Variants in DUSP16 observed in about 807,000 individuals in gnomAD.
DUSP16 encodes the protein dual specificity phosphatase 16.
DUSP16 carries 21 observed loss-of-function variants against 58.3 expected under a neutral mutation model. That is an observed-to-expected ratio of 0.36 (90% CI 0.26 to 0.52). The LOEUF (loss-of-function observed/expected upper bound fraction) is 0.52. DUSP16 is among the 20% of genes least tolerant of loss of function. DUSP16 has a pLI of 0.94. For synonymous variants in DUSP16, 320 were observed against 323.8 expected (o/e 0.99, Z 0.12); for missense variants, 726 against 819.0 (o/e 0.89, Z 1.39).
intron 3 of DUSP16, among the ~76,000 whole-genome samples, chr12:12,506,514 C>T (rs942558741): frequency 1.3e-5 from 2 of 152,186 alleles, no homozygotes; most frequent in Non-Finnish European, 2.9e-5. Flanking sequence ...GAAGACTTGG[C>T]TCACTGTCCA....
chr12:12,557,455 CAAA>C (rs556746921), intron 1 of DUSP16, among the ~76,000 whole-genome samples: 4 of 57,408 alleles, frequency 7.0e-5, no homozygotes, highest in African/African-American at 6.4e-5. Context: ...GACTCCGTCT[CAAA>C]AAAAAAAAAA....
chr12:12,552,332 G>A (rs1944740858), intron 1 of DUSP16, among the ~76,000 whole-genome samples: 1 of 152,028 alleles, frequency 6.6e-6, no homozygotes, highest in African/African-American at 2.4e-5. Flanking sequence ...TGTAATCCCA[G>A]TTACTTGAGA....
intron 6 of DUSP16, among the ~76,000 whole-genome samples, chr12:12,478,264 T>C (rs557716616): frequency 7.2e-5 from 11 of 151,936 alleles, no homozygotes; most frequent in Admixed American, 2.6e-4. Flanking sequence ...AGTTTTTGTC[T>C]CCTTATTTTC....
In DUSP16 at chr12:12,505,567, C is replaced by T. The variant is rs150140521; in HGVS notation, c.368-4885G>A. ...AGACCTTGGCTGTCAGGTCACCCCCCACAGAACAACTTTCAGAGGAGATGC... is the reference window on the plus strand; with the variant it reads ...AGACCTTGGCTGTCAGGTCACCCCCTACAGAACAACTTTCAGAGGAGATGC... On this transcript the variant is annotated intron_variant, in intron 3 of 6. Transcript: ENST00000298573. Among the ~76,000 whole-genome samples the T allele has an allele frequency of 8.0e-3, 1,213 of 152,304 alleles. 19 individuals carry two copies. The highest frequency in any genetic ancestry group is 0.027 in the African/African-American group (1,141 of 41,564).
At chr12:12,524,846 T>C (rs1031213953) in intron 1 of DUSP16, among the ~76,000 whole-genome samples, 1 of 152,230 alleles carries the variant, frequency 6.6e-6, no homozygotes, top group Non-Finnish European at 1.5e-5. Context: ...TATGAACGTG[T>C]ACAGTTTATT....
In DUSP16 at chr12:12,518,416, G is replaced by A. The variant is rs181757286; in HGVS notation, c.367+1446C>T. On this transcript the variant is annotated intron_variant, in intron 3 of 6. Transcript: ENST00000298573. Reference sequence around the variant, plus strand: ...GAATCCCAGCTACTTGGGAGGCTGAGGCAGGAGAATCGCTTGAACCTGGGA... The same window carrying A: ...GAATCCCAGCTACTTGGGAGGCTGAAGCAGGAGAATCGCTTGAACCTGGGA... 2.5e-3 allele frequency among the ~76,000 whole-genome samples: 380 copies of A among 152,156 alleles called. 1 individual carries two copies. Among genetic ancestry groups the A allele is most frequent in the African/African-American group, 8.7e-3 (362 of 41,498 alleles).
Position 12,558,246 on chromosome 12 carries a change from C to T in DUSP16, c.-366+3871G>A, listed in dbSNP as rs1944839764. On this transcript the variant is annotated intron_variant, in intron 1 of 6. Transcript: ENST00000298573. ...TAATAATTTCAGTTTATAATGTATC[C>T]CTCCCTTTCAAATAACTCAAAATAG... Among the ~76,000 whole-genome samples the T allele has an allele frequency of 2.6e-5, 4 of 152,126 alleles. No homozygotes were observed. In the South Asian group the frequency reaches 8.3e-4, roughly 32 times the overall value.
chr12:12,486,072 C>T lies in DUSP16; in HGVS notation c.691+956G>A, dbSNP rs142837743. Among the ~76,000 whole-genome samples, 474 of 152,140 alleles carry T rather than the reference C, an allele frequency of 3.1e-3. 1 individual carries two copies. The highest frequency in any genetic ancestry group is 6.8e-3 in the Middle Eastern group (2 of 294). ...CCTCCCAAAGTGCTGGGATTACAGGCGTGACCCACCGCGCCTGGCCAATTC... is the reference window on the plus strand; with the variant it reads ...CCTCCCAAAGTGCTGGGATTACAGGTGTGACCCACCGCGCCTGGCCAATTC... On this transcript the variant is annotated intron_variant, in intron 5 of 6. Transcript: ENST00000298573.
At chr12:12,505,513 T>C (rs1433926372) in intron 3 of DUSP16, among the ~76,000 whole-genome samples, 1 of 152,248 alleles carries the variant, frequency 6.6e-6, no homozygotes, top group African/African-American at 2.4e-5. Flanking sequence ...CACTGGTTTG[T>C]TCATGACCAC....
chr12:12,500,406 T>C, intron 4 of DUSP16, 113 bp downstream of exon 4: 2 of 1,271,414 alleles, frequency 1.6e-6, no homozygotes, highest in Non-Finnish European at 1.1e-6. Flanking sequence ...ACACTGAGAA[T>C]GGCATAGCAG....
At chr12:12,535,943 A>T (rs1233892392) in intron 1 of DUSP16, among the ~76,000 whole-genome samples, 1 of 152,234 alleles carries the variant, frequency 6.6e-6, no homozygotes, top group Admixed American at 6.5e-5. Flanking sequence ...GGTAGAGTAA[A>T]AGGGGCTAGA....
At chr12:12,480,074 C>G in intron 6 of DUSP16, 149 bp downstream of exon 6, 1 of 1,112,574 alleles carries the variant, frequency 9.0e-7, no homozygotes, top group Non-Finnish European at 1.3e-6. Context: ...TTCCAATCTT[C>G]ACAAGACCAT....
At chr12:12,502,029 T>C (rs1943918037) in intron 3 of DUSP16, among the ~76,000 whole-genome samples, 1 of 152,052 alleles carries the variant, frequency 6.6e-6, no homozygotes, top group Non-Finnish European at 1.5e-5. Context: ...AAATAACATG[T>C]TAAGTCTTAT....
intron 1 of DUSP16, among the ~76,000 whole-genome samples, chr12:12,553,084 T>A (rs572705863): frequency 1.3e-5 from 2 of 152,274 alleles, no homozygotes; most frequent in East Asian, 3.9e-4. Context: ...CCTGGCCTAA[T>A]GTTTGTTATT....
At chr12:12,535,259 G>A (rs1944448583) in intron 1 of DUSP16, among the ~76,000 whole-genome samples, 1 of 152,104 alleles carries the variant, frequency 6.6e-6, no homozygotes, top group African/African-American at 2.4e-5. Flanking sequence ...TTCTTTAGAA[G>A]GGTTTCCCAA....
chr12:12,510,963 G>C (rs1944069339), intron 3 of DUSP16, among the ~76,000 whole-genome samples: 1 of 152,210 alleles, frequency 6.6e-6, no homozygotes, highest in Admixed American at 6.5e-5. Flanking sequence ...AGTGGCACTG[G>C]ATGAAGTTAG....
At position 12,554,023 on chromosome 12, in the gene DUSP16, C is replaced by T. The variant is rs552324709; in HGVS notation, c.-366+8094G>A. On this transcript the variant is annotated intron_variant, in intron 1 of 6. Transcript: ENST00000298573. ...GACCAGCCTGGCCACCCTGGTGAAA[C>T]CACATCTCTACTAAAAATACAAAAA... Among the ~76,000 whole-genome samples the T allele has an allele frequency of 3.0e-4, 45 of 151,906 alleles. No homozygotes were observed. The South Asian group carries it at 8.3e-3, about 28-fold the overall frequency.
In DUSP16 at chr12:12,477,800, G is replaced by C; in HGVS notation, c.1031C>G (p.Ser344Cys). 3.1e-6 allele frequency: 5 copies of C among 1,614,032 alleles called. No individual in the cohort carries two copies. In the African/African-American group the frequency reaches 4.0e-5, roughly 13 times the overall value. The change falls in exon 7 of 7, where the codon TCT becomes TGT. Residue 344 changes from serine to cysteine, a missense_variant. Ser to Cys is a moderately radical substitution (Grantham distance 112). Coordinates refer to ENST00000298573, the MANE Select transcript of DUSP16 (RefSeq NM_030640.3). This position sits in a 1 kb window ranked among gnomAD's most constrained non-coding sequence, Gnocchi z 4.1. ...TTGTCCTGCTGCCTCTGAGGTAGCAGAGTCGGCACAGGGTGGACTGAGGGG... is the reference window on the plus strand; with the variant it reads ...TTGTCCTGCTGCCTCTGAGGTAGCACAGTCGGCACAGGGTGGACTGAGGGG... ...ETPLSPPCAD[S>C]ATSEAAGQRP...
At chr12:12,493,760 T>TAGAG in intron 4 of DUSP16, among the ~76,000 whole-genome samples, 1 of 152,232 alleles carries the variant, frequency 6.6e-6, no homozygotes, top group South Asian at 2.1e-4. Context: ...TTTGTTCAAA[T>TAGAG]GCCTCTATCT....
Sources: allele counts gnomAD v4.1 joint callset (sites outside exome capture counted in the v4.1 genomes callset), GRCh38; gene constraint gnomAD v4.1.1; non-coding constraint Gnocchi (gnomAD v3.1); transcripts MANE v1.5; gene names NCBI Gene and HGNC (gene_info 2026-07-23, HGNC 2026-07-21).